The following CHRM5 variants were observed in gnomAD, a reference collection of about 807,000 sequenced individuals.
CHRM5 encodes the protein cholinergic receptor muscarinic 5, also known as muscarinic acetylcholine receptor M5.
CHRM5 carries 18 observed loss-of-function variants against 39.0 expected under a neutral mutation model. The observed-to-expected ratio is 0.46, with a 90% CI of 0.32 to 0.68. CHRM5 has a LOEUF of 0.68. CHRM5 is among the 30% of genes least tolerant of loss of function. CHRM5 has a pLI of 0.04. For synonymous variants in CHRM5, 241 were observed against 246.3 expected (o/e 0.98, Z 0.20); for missense variants, 515 against 651.1 (o/e 0.79, Z 2.28).
intron 2 of CHRM5, among the ~76,000 whole-genome samples, chr15:34,057,393 C>T (rs1242548082): frequency 1.3e-5 from 2 of 151,996 alleles, no homozygotes; most frequent in Non-Finnish European, 1.5e-5. Flanking sequence ...CCACCCACCT[C>T]GGCTTCCCAA....
intron 1 of CHRM5, among the ~76,000 whole-genome samples, chr15:33,999,455 T>A (rs968390360): frequency 2.0e-5 from 3 of 152,202 alleles, no homozygotes; most frequent in African/African-American, 7.2e-5. Context: ...GAATTCTGAC[T>A]GCAACAGGTA....
At position 34,066,988 on chromosome 15, in the gene CHRM5, A is replaced by G. The variant is rs1025204963; in HGVS notation, c.*2672A>G. The G allele has an allele frequency of 4.6e-5, 7 of 152,192 alleles. No individual in the cohort carries two copies. Among genetic ancestry groups the G allele is most frequent in the African/African-American group, 1.7e-4 (7 of 41,448 alleles). 9.4% of individuals were successfully genotyped at this position (152,192 alleles called of 1,614,324 possible). A position where few individuals can be genotyped will look rare whatever the true frequency, so the allele number is the denominator to read the frequency against. ...GGCTTTAGTGGGGTCCTCAGAATGA[A>G]TAGACCTAATTGTAAACTACAGGGA... On this transcript the variant is annotated 3_prime_UTR_variant, in exon 3 of 3. Transcript: ENST00000383263.
chr15:34,057,062 T>C (rs1900180620), intron 2 of CHRM5, among the ~76,000 whole-genome samples: 2 of 152,180 alleles, frequency 1.3e-5, no homozygotes, highest in Admixed American at 1.3e-4. Context: ...GTGAAAATAT[T>C]GCCTTATTAT....
intron 2 of CHRM5, among the ~76,000 whole-genome samples, chr15:34,055,681 G>T (rs1900114989): frequency 6.6e-6 from 1 of 151,152 alleles, no homozygotes; most frequent in South Asian, 2.1e-4. Context: ...GGTGCCTGTA[G>T]CCCCAGCTAC....
chr15:33,971,127 G>A (rs1426310588), intron 1 of CHRM5, among the ~76,000 whole-genome samples: 3 of 152,028 alleles, frequency 2.0e-5, no homozygotes, highest in African/African-American at 7.2e-5. Context: ...ACAAATGGAT[G>A]AGGGATTTTA....
Position 34,066,814 on chromosome 15 carries a change from C to CAAAAAAAAAA in CHRM5, c.*2500_*2509dup. 6.8e-6 allele frequency: 1 copy of CAAAAAAAAAA among 147,514 alleles called. No individual in the cohort carries two copies. The allele number at this position is 147,514 out of a possible 1,614,324, so 9.1% of individuals were successfully genotyped here. On this transcript the variant is annotated 3_prime_UTR_variant, in exon 3 of 3. Coordinates refer to ENST00000383263, the MANE Select transcript of CHRM5 (RefSeq NM_012125.4). ...TAAGTGACAGAGCAAGACCCTGCCT[C>CAAAAAAAAAA]AAAAAAAAAAAGAGAGAGAGAGAGG...
At chr15:33,983,687 G>C (rs1896292947) in intron 1 of CHRM5, among the ~76,000 whole-genome samples, 5 of 152,128 alleles carry the variant, frequency 3.3e-5, no homozygotes, top group Admixed American at 2.0e-4. Context: ...ATCGTCTTGA[G>C]TGTGAGCAGG....
At chr15:34,049,538 A>G (rs1232455743) in intron 2 of CHRM5, among the ~76,000 whole-genome samples, 1 of 152,220 alleles carries the variant, frequency 6.6e-6, no homozygotes, top group Non-Finnish European at 1.5e-5. Flanking sequence ...GGGATTATGT[A>G]AAGCAAAACC....
chr15:34,029,028 C>T (rs941589171), intron 1 of CHRM5, among the ~76,000 whole-genome samples: 2 of 152,006 alleles, frequency 1.3e-5, no homozygotes, highest in African/African-American at 4.8e-5. Flanking sequence ...ACTATTTGTC[C>T]ACAACTCTTC....
chr15:33,990,637 G>A (rs762282058), intron 1 of CHRM5: 1 of 152,180 alleles, frequency 6.6e-6, no homozygotes, highest in East Asian at 1.9e-4. Flanking sequence ...CTCTGCTAGC[G>A]ATCCTATGGC....
At chr15:34,003,001 TA>T in intron 1 of CHRM5, 1 of 1,575,568 alleles carries the variant, frequency 6.3e-7, no homozygotes, top group Non-Finnish European at 8.6e-7. Flanking sequence ...TTCAGAGCAC[TA>T]AACAGTATGC....
chr15:34,006,632 G>C (rs1446744139), intron 1 of CHRM5, among the ~76,000 whole-genome samples: 1 of 152,268 alleles, frequency 6.6e-6, no homozygotes, highest in Middle Eastern at 3.4e-3. Flanking sequence ...CGAATTAATG[G>C]TCCTGCCAAG....
At chr15:33,971,854 T>A (rs1430563146) in intron 1 of CHRM5, among the ~76,000 whole-genome samples, 1 of 152,130 alleles carries the variant, frequency 6.6e-6, no homozygotes, top group African/African-American at 2.4e-5. Flanking sequence ...TAGTTCACCA[T>A]GAAGATCATC....
chr15:34,034,722 G>A (rs188055164), intron 1 of CHRM5, among the ~76,000 whole-genome samples: 125 of 152,286 alleles, frequency 8.2e-4, no homozygotes, highest in Non-Finnish European at 1.4e-3. Context: ...AACAGAATAT[G>A]TTAACAAGGA....
Position 34,066,277 on chromosome 15 carries a change from GA to G in CHRM5, c.*1962del, listed in dbSNP as rs1174618876. On this transcript the variant is annotated 3_prime_UTR_variant, in exon 3 of 3. Coordinates refer to ENST00000383263, the MANE Select transcript of CHRM5 (RefSeq NM_012125.4). ...GAGCAAACCTGCTCTACCAGCGCCA[GA>G]TAAACAGTTGAGTCTTCGTTTAAGG... is the stretch of plus-strand genomic sequence containing the variant. The G allele has an allele frequency of 6.6e-6, 1 of 152,226 alleles. No homozygotes were observed. The highest frequency in any genetic ancestry group is 1.5e-5 in the Non-Finnish European group (1 of 68,038). 9.4% of individuals were successfully genotyped at this position (152,226 alleles called of 1,614,324 possible). A position where few individuals can be genotyped will look rare whatever the true frequency, so the allele number is the denominator to read the frequency against.
At chr15:33,992,605 T>A (rs1896776600) in intron 1 of CHRM5, among the ~76,000 whole-genome samples, 1 of 152,228 alleles carries the variant, frequency 6.6e-6, no homozygotes, top group African/African-American at 2.4e-5. Context: ...AATCTTCTTC[T>A]ACTATATTGC....
chr15:34,038,734 G>T, intron 1 of CHRM5: 3 of 1,137,214 alleles, frequency 2.6e-6, no homozygotes, highest in African/African-American at 1.7e-5. Flanking sequence ...GGCCCCACTT[G>T]CCCCAGTTAC....
At chr15:34,001,364 CT>C (rs908279987) in intron 1 of CHRM5, among the ~76,000 whole-genome samples, 1 of 151,928 alleles carries the variant, frequency 6.6e-6, no homozygotes, top group Admixed American at 6.6e-5. Context: ...TATGAAGTAT[CT>C]TTTTTTTGAC....
At chr15:34,050,647 A>G (rs1285390738) in intron 2 of CHRM5, among the ~76,000 whole-genome samples, 2 of 152,206 alleles carry the variant, frequency 1.3e-5, no homozygotes, top group Non-Finnish European at 1.5e-5. Context: ...AAATAAAGGA[A>G]TGGAGAAAAA....
Sources: allele counts gnomAD v4.1 joint callset (sites outside exome capture counted in the v4.1 genomes callset), GRCh38; gene constraint gnomAD v4.1.1; transcripts MANE v1.5; gene names NCBI Gene and HGNC (gene_info 2026-07-23, HGNC 2026-07-21).